HMGCL: variants seen among roughly 807,000 people sequenced by gnomAD.
The protein encoded by HMGCL is hydroxymethylglutaryl-CoA lyase, mitochondrial.
In HMGCL, 26 loss-of-function variants were observed where a neutral mutation model predicts 37.3. The ratio of observed to expected loss-of-function variants is 0.70; its 90% CI spans 0.51 to 0.97. The LOEUF (loss-of-function observed/expected upper bound fraction) is 0.97. HMGCL is among the 50% of genes least tolerant of loss of function. The pLI is 0.00. For missense variants in HMGCL, 379 were observed against 398.1 expected, an observed-to-expected ratio of 0.95 and a Z score of 0.41; for synonymous variants, 151 against 148.0, an observed-to-expected ratio of 1.02 and a Z score of -0.15.
At position 23,820,483 on chromosome 1, in the gene HMGCL, G is replaced by T. The variant is rs779587858; in HGVS notation, c.144+27C>A. 1.9e-6 allele frequency: 3 copies of T among 1,556,670 alleles called. No homozygotes were observed. In the Admixed American group the frequency reaches 5.0e-5, roughly 26 times the overall value. ...CTCAAAGCAGATGCTTGAAAAAACT[G>T]TTTTTTTGGCTCATTTCCAACTTTA... is the stretch of plus-strand genomic sequence containing the variant. On this transcript the variant is annotated intron_variant, in intron 2 of 8. Coordinates refer to ENST00000374490, the MANE Select transcript of HMGCL (RefSeq NM_000191.3).
At position 23,804,465 on chromosome 1, in the gene HMGCL, C is replaced by G. The variant is rs550489427; in HGVS notation, c.811G>C (p.Gly271Arg). ...TCTGTGGCCAAGTTTCCTGATGCCCCCTGTGCGTAGGGACAGCCTCCAAGT... is the reference window on the plus strand; with the variant it reads ...TCTGTGGCCAAGTTTCCTGATGCCCGCTGTGCGTAGGGACAGCCTCCAAGT... ...AGLGGCPYAQ[G>R]ASGNLATEDL... is the part of the protein sequence containing the mutation. The change falls in exon 8 of 9, where the codon GGG becomes CGG. Residue 271 changes from glycine to arginine, a missense_variant. Gly to Arg is a moderately radical substitution (Grantham distance 125). Transcript: ENST00000374490. The G allele has an allele frequency of 1.9e-6, 3 of 1,614,150 alleles. No homozygotes were observed. The highest frequency in any genetic ancestry group is 2.7e-5 in the African/African-American group (2 of 75,044).
In HMGCL at chr1:23,817,627, A is replaced by G. The variant is rs181179069; in HGVS notation, c.145-44T>C. On this transcript the variant is annotated intron_variant, in intron 2 of 8. Coordinates refer to ENST00000374490, the MANE Select transcript of HMGCL (RefSeq NM_000191.3). ...CACCAAGGCAGCAAAGTTAGTAACA[A>G]AACAGCCTCAAAATGCAGTACCTGT... 315 of 1,213,774 alleles carry G rather than the reference A, an allele frequency of 2.6e-4. No homozygotes were observed. The African/African-American group carries it at 4.1e-3, about 16-fold the overall frequency. The allele number at this position is 1,213,774 out of a possible 1,614,324, so 75.2% of individuals were successfully genotyped here.
At chr1:23,818,681 A>G (rs2148424840) in intron 2 of HMGCL, among the ~76,000 whole-genome samples, 1 of 152,084 alleles carries the variant, frequency 6.6e-6, no homozygotes, top group East Asian at 1.9e-4. Context: ...CCTCCAGAGT[A>G]GATGGGATTA....
At chr1:23,805,042 T>G (rs1267173030) in intron 7 of HMGCL, among the ~76,000 whole-genome samples, 2 of 151,746 alleles carry the variant, frequency 1.3e-5, no homozygotes, top group Non-Finnish European at 2.9e-5. Context: ...CCCTTCCCCA[T>G]CCTCATTCTC....
chr1:23,814,661 GC>G (rs2148422689), intron 4 of HMGCL, among the ~76,000 whole-genome samples: 1 of 152,156 alleles, frequency 6.6e-6, no homozygotes, highest in East Asian at 1.9e-4. Context: ...CAGCCATCAT[GC>G]CCGGCCAGCA....
At position 23,814,215 on chromosome 1, in the gene HMGCL, G is replaced by C. The variant is rs750009263; in HGVS notation, c.472C>G (p.Gln158Glu). The change falls in exon 5 of 9, where the codon CAG becomes GAG. Residue 158 changes from glutamine (Q) to glutamate (E), a missense_variant. Coordinates refer to ENST00000374490, the MANE Select transcript of HMGCL (RefSeq NM_000191.3). The stretch of plus-strand genomic sequence containing the variant: ...CCCCGCACAGAAATATTGGCTGACT[G>C]CGCTGCCTTCAGGATTGCGTCAAAC... ...QRFDAILKAA[Q>E]SANISVRGYV... The C allele has an allele frequency of 6.2e-6, 10 of 1,614,006 alleles. No individual in the cohort carries two copies. The highest frequency in any genetic ancestry group is 8.5e-6 in the Non-Finnish European group (10 of 1,180,012).
chr1:23,818,883 A>T (rs547141898), intron 2 of HMGCL, among the ~76,000 whole-genome samples: 1 of 152,050 alleles, frequency 6.6e-6, no homozygotes, highest in Admixed American at 6.6e-5. Flanking sequence ...TGTTGCAGGC[A>T]TTGTGCTAGG....
At chr1:23,809,572 T>C (rs939065294) in intron 6 of HMGCL, 4 of 152,174 alleles carry the variant, frequency 2.6e-5, no homozygotes, top group East Asian at 3.9e-4. Flanking sequence ...TACATCACTA[T>C]TTAAATTTTT....
chr1:23,810,135 C>T (rs538230504), intron 6 of HMGCL: 1 of 162,242 alleles, frequency 6.2e-6, no homozygotes, highest in South Asian at 1.5e-4. Context: ...GTTACCATTC[C>T]ACCTATCTGG....
chr1:23,818,065 A>G (rs1430802276), intron 2 of HMGCL, among the ~76,000 whole-genome samples: 1 of 152,230 alleles, frequency 6.6e-6, no homozygotes, highest in African/African-American at 2.4e-5. Context: ...CATCTTACAC[A>G]GGAATCCTCC....
chr1:23,824,878 T>A (rs1339292820), intron 1 of HMGCL, among the ~76,000 whole-genome samples: 1 of 152,152 alleles, frequency 6.6e-6, no homozygotes, highest in Non-Finnish European at 1.5e-5. Flanking sequence ...AGGATCAAAG[T>A]GCAATTCCAA....
In HMGCL at chr1:23,804,462, C is replaced by G. The variant is rs1638363983; in HGVS notation, c.814G>C (p.Ala272Pro). The change falls in exon 8 of 9, where the codon GCA becomes CCA. Residue 272 changes from alanine to proline, a missense_variant. Transcript: ENST00000374490. Reference protein sequence around the residue: ...GLGGCPYAQGASGNLATEDLV... With the variant: ...GLGGCPYAQGPSGNLATEDLV... Reference sequence around the variant, plus strand: ...TCTTCTGTGGCCAAGTTTCCTGATGCCCCCTGTGCGTAGGGACAGCCTCCA... The same window carrying G: ...TCTTCTGTGGCCAAGTTTCCTGATGGCCCCTGTGCGTAGGGACAGCCTCCA... 1 of 1,613,894 alleles carries G rather than the reference C, an allele frequency of 6.2e-7. No homozygotes were observed. The highest frequency in any genetic ancestry group is 8.5e-7 in the Non-Finnish European group (1 of 1,179,876).
chr1:23,820,431 C>A (rs1011823569), intron 2 of HMGCL, 79 bp downstream of exon 2: 39 of 977,074 alleles, frequency 4.0e-5, no homozygotes, highest in Non-Finnish European at 5.0e-5. Flanking sequence ...GCTCTGTCAA[C>A]TGCCATTGCA....
intron 5 of HMGCL, among the ~76,000 whole-genome samples, chr1:23,812,656 C>T (rs1638539512): frequency 6.6e-6 from 1 of 152,086 alleles, no homozygotes; most frequent in South Asian, 2.1e-4. Flanking sequence ...CGTGCAAAGG[C>T]CCAGAGGCAA....
chr1:23,809,217 C>CATATATATATATATATATAT (rs1212625691), intron 6 of HMGCL: 1 of 83,332 alleles, frequency 1.2e-5, no homozygotes, highest in African/African-American at 5.1e-5. Context: ...ATCAATAGTC[C>CATATATATATATATATATAT]ATATATATAT....
At chr1:23,819,734 A>C (rs184503550) in intron 2 of HMGCL, among the ~76,000 whole-genome samples, 299 of 151,592 alleles carry the variant, frequency 2.0e-3, no homozygotes, top group African/African-American at 7.0e-3. Flanking sequence ...ATCTCCCAAA[A>C]ACACACACAC....
intron 1 of HMGCL, 81 bp downstream of exon 1, chr1:23,825,275 G>T: frequency 8.6e-7 from 1 of 1,166,822 alleles, no homozygotes; most frequent in Non-Finnish European, 1.2e-6. Context: ...CTCTAAGAGA[G>T]CAGTCACCAC....
At chr1:23,802,661 A>T in intron 8 of HMGCL, 97 bp from the exon 9 acceptor site, 4 of 842,872 alleles carry the variant, frequency 4.7e-6, no homozygotes, top group Non-Finnish European at 4.1e-6. Context: ...ACTGAAAAGT[A>T]AAGGTGAAGA....
chr1:23,804,203 T>A, intron 8 of HMGCL, 197 bp downstream of exon 8: 1 of 662,734 alleles, frequency 1.5e-6, no homozygotes, highest in Non-Finnish European at 2.7e-6. Context: ...CTCAAACTCC[T>A]GGGCTCAAGT....
Sources: allele counts gnomAD v4.1 joint callset (sites outside exome capture counted in the v4.1 genomes callset), GRCh38; gene constraint gnomAD v4.1.1; transcripts MANE v1.5; gene names NCBI Gene and HGNC (gene_info 2026-07-23, HGNC 2026-07-21).